The following CACHD1 variants were observed in gnomAD, a reference collection of about 807,000 sequenced individuals.
CACHD1 encodes VWFA and cache domain-containing protein 1.
CACHD1 carries 71 observed loss-of-function variants against 138.7 expected under a neutral mutation model. That is an observed-to-expected ratio of 0.51 (90% CI 0.42 to 0.62). CACHD1 has a LOEUF of 0.62. CACHD1 is among the 20% of genes least tolerant of loss of function. CACHD1 has a pLI of 0.00. For synonymous variants in CACHD1, 578 were observed against 591.5 expected, an observed-to-expected ratio of 0.98 and a Z score of 0.33; for missense variants, 1,389 against 1,625.3, an observed-to-expected ratio of 0.85 and a Z score of 2.50.
intron 12 of CACHD1, 49 bp downstream of exon 12, chr1:64,654,852 C>T (rs1165905860): frequency 5.1e-6 from 7 of 1,368,084 alleles, no homozygotes; most frequent in Non-Finnish European, 7.3e-6. Context: ...GGGTACAGTG[C>T]TCTTCTTCAT....
intron 7 of CACHD1, among the ~76,000 whole-genome samples, chr1:64,640,141 G>T (rs919094426): frequency 1.3e-5 from 2 of 152,044 alleles, no homozygotes; most frequent in African/African-American, 2.4e-5. Flanking sequence ...CACCTCTGCC[G>T]CATTCTAGTC....
chr1:64,491,724 C>G (rs995230746), intron 1 of CACHD1, among the ~76,000 whole-genome samples: 2 of 152,146 alleles, frequency 1.3e-5, no homozygotes, highest in African/African-American at 4.8e-5. Flanking sequence ...ATAAGTGATC[C>G]TCCTGCCTCA....
At chr1:64,498,382 T>C (rs1182718600) in intron 1 of CACHD1, among the ~76,000 whole-genome samples, 1 of 152,246 alleles carries the variant, frequency 6.6e-6, no homozygotes, top group African/African-American at 2.4e-5. Context: ...TTCTAAAACA[T>C]TTAGTTTAAA....
chr1:64,616,718 G>T (rs1377732371), intron 4 of CACHD1, among the ~76,000 whole-genome samples: 1 of 152,094 alleles, frequency 6.6e-6, no homozygotes, highest in Non-Finnish European at 1.5e-5. Flanking sequence ...TTTTAAGCAG[G>T]GGAGGCAAAA....
chr1:64,488,672 G>T (rs968348012), intron 1 of CACHD1, among the ~76,000 whole-genome samples: 19 of 152,214 alleles, frequency 1.2e-4, no homozygotes, highest in Non-Finnish European at 1.0e-4. Flanking sequence ...AAATTGTGTA[G>T]ATAAACATTG....
chr1:64,481,741 G>A (rs1646212598), intron 1 of CACHD1, among the ~76,000 whole-genome samples: 1 of 152,198 alleles, frequency 6.6e-6, no homozygotes, highest in Non-Finnish European at 1.5e-5. Flanking sequence ...CAGAAACTGA[G>A]TCTAGTATAT....
At chr1:64,489,556 G>A (rs1646262047) in intron 1 of CACHD1, among the ~76,000 whole-genome samples, 1 of 152,204 alleles carries the variant, frequency 6.6e-6, no homozygotes, top group African/African-American at 2.4e-5. Context: ...CTGTTTAGGA[G>A]AAATGGGATT....
chr1:64,589,998 A>C (rs952297558), intron 3 of CACHD1, among the ~76,000 whole-genome samples: 1 of 152,120 alleles, frequency 6.6e-6, no homozygotes, highest in African/African-American at 2.4e-5. Context: ...ATTCTCCTAC[A>C]CAGCTTCTCT....
At chr1:64,541,293 A>G (rs189980756) in intron 1 of CACHD1, among the ~76,000 whole-genome samples, 1 of 152,380 alleles carries the variant, frequency 6.6e-6, no homozygotes, top group Non-Finnish European at 1.5e-5. Flanking sequence ...CAAGGAATTA[A>G]CAATAAGGTT....
rs558868399 is a variant in CACHD1 at position 64,666,652 on chromosome 1, G to A, written c.2387+485G>A. Among the ~76,000 whole-genome samples the A allele has an allele frequency of 5.3e-5, 8 of 151,934 alleles. No individual in the cohort carries two copies. The East Asian group carries it at 5.8e-4, about 11-fold the overall frequency. ...AGCACCTTGAGAGGCTGAGATGGGCGGATCACTTGAGACCAGGAGTTCCGG... is the reference window on the plus strand; with the variant it reads ...AGCACCTTGAGAGGCTGAGATGGGCAGATCACTTGAGACCAGGAGTTCCGG... On this transcript the variant is annotated intron_variant, in intron 16 of 26. Coordinates refer to ENST00000651257, the MANE Select transcript of CACHD1 (RefSeq NM_020925.4).
At chr1:64,593,086 A>C (rs754536175) in intron 3 of CACHD1, among the ~76,000 whole-genome samples, 25 of 152,252 alleles carry the variant, frequency 1.6e-4, no homozygotes, top group Non-Finnish European at 2.8e-4. Flanking sequence ...TGATGGATCC[A>C]GTATAAACAT....
At chr1:64,616,476 A>G (rs1647710843) in intron 4 of CACHD1, among the ~76,000 whole-genome samples, 3 of 152,314 alleles carry the variant, frequency 2.0e-5, no homozygotes, top group Admixed American at 2.0e-4. Context: ...TGGGTCTTTT[A>G]AAAATGGTAA....
chr1:64,676,043 T>G, intron 21 of CACHD1, 60 bp downstream of exon 21: 9 of 525,012 alleles, frequency 1.7e-5, no homozygotes, highest in East Asian at 1.0e-4. Flanking sequence ...TAATAATACA[T>G]ATGTAATACT....
intron 1 of CACHD1, among the ~76,000 whole-genome samples, chr1:64,489,462 C>T (rs887348147): frequency 2.6e-5 from 4 of 152,118 alleles, no homozygotes; most frequent in Admixed American, 6.6e-5. Flanking sequence ...TTTCAAAGCT[C>T]GTTTCAGAGT....
At chr1:64,514,482 C>A (rs2100357305) in intron 1 of CACHD1, among the ~76,000 whole-genome samples, 1 of 152,250 alleles carries the variant, frequency 6.6e-6, no homozygotes, top group Non-Finnish European at 1.5e-5. Context: ...CTAGCTTTAA[C>A]ATTGTAACAA....
intron 1 of CACHD1, among the ~76,000 whole-genome samples, chr1:64,513,790 A>C (rs1450575382): frequency 2.6e-5 from 4 of 152,208 alleles, no homozygotes; most frequent in Admixed American, 1.3e-4. Flanking sequence ...AATGGAAGCC[A>C]CTTGTTGGCA....
At chr1:64,564,167 A>G (rs1646863405) in intron 2 of CACHD1, among the ~76,000 whole-genome samples, 1 of 152,172 alleles carries the variant, frequency 6.6e-6, no homozygotes, top group Non-Finnish European at 1.5e-5. Context: ...AAGGAACTCA[A>G]TTGTCATGAA....
At chr1:64,503,874 G>A (rs1475034823) in intron 1 of CACHD1, among the ~76,000 whole-genome samples, 3 of 152,224 alleles carry the variant, frequency 2.0e-5, no homozygotes, top group South Asian at 2.1e-4. Context: ...CTGTGACGCT[G>A]TTTCCCTTCC....
intron 1 of CACHD1, among the ~76,000 whole-genome samples, chr1:64,520,136 A>G (rs866338272): frequency 6.6e-6 from 1 of 152,250 alleles, no homozygotes; most frequent in Non-Finnish European, 1.5e-5. Flanking sequence ...TTTAATAGTC[A>G]GCATCAAGCA....
Sources: gnomAD v4.1 joint callset for allele counts (sites outside exome capture counted in the v4.1 genomes callset) on GRCh38, gnomAD v4.1.1 for gene constraint, MANE v1.5 for transcripts, NCBI Gene and HGNC (gene_info 2026-07-23, HGNC 2026-07-21) for gene names.